Variants in SLC22A25 observed in about 807,000 individuals in gnomAD.
SLC22A25 encodes MGI:2442751, MGI:2385316, MGI:3042283, MGI:3645714, MGI:3605624, MGI:2442750.
SLC22A25 carries 44 observed loss-of-function variants against 45.9 expected under a neutral mutation model. The observed-to-expected ratio is 0.96, with a 90% CI of 0.75 to 1.23. SLC22A25 has a LOEUF of 1.23. Among genes scored for constraint, SLC22A25 ranks in the 50% most tolerant of loss-of-function variants. SLC22A25 has a pLI of 0.00. For synonymous variants in SLC22A25, 283 were observed against 238.6 expected, an observed-to-expected ratio of 1.19 and a Z score of -1.72; for missense variants, 800 against 666.4, an observed-to-expected ratio of 1.20 and a Z score of -2.21.
In SLC22A25 at chr11:63,160,744, G is replaced by C. The variant is rs1473660675; in HGVS notation, c.*3080C>G. Among the ~76,000 whole-genome samples the C allele has an allele frequency of 6.6e-6, 1 of 152,146 alleles. No homozygotes were observed. Among genetic ancestry groups the C allele is most frequent in the Non-Finnish European group, 1.5e-5 (1 of 68,038 alleles). ...CACAAAAGCAGCCAGGAGGGAGGCT[G>C]TACCCTGCAAAGCCACAGAAGCAGA... is the stretch of plus-strand genomic sequence containing the variant. On this transcript the variant is annotated 3_prime_UTR_variant, in exon 12 of 12. Coordinates refer to ENST00000306494, the MANE Select transcript of SLC22A25 (RefSeq NM_199352.6).
chr11:63,174,803 C>A (rs1161287924), intron 9 of SLC22A25, among the ~76,000 whole-genome samples: 9 of 152,058 alleles, frequency 5.9e-5, no homozygotes, highest in Non-Finnish European at 8.8e-5. Flanking sequence ...TTTCCCTCTG[C>A]CCTCTGCCCC....
rs372247968 is a variant in SLC22A25 at position 63,182,739 on chromosome 11, T to A, written c.954+955A>T. On this transcript the variant is annotated intron_variant, in intron 8 of 11. Coordinates refer to ENST00000306494, the MANE Select transcript of SLC22A25 (RefSeq NM_199352.6). Reference sequence around the variant, plus strand: ...AGGCTTCTTATTTCAAATCTCCTTTTGAAGGAGCTGTGCTTCCTTCTGGGA... The same window carrying A: ...AGGCTTCTTATTTCAAATCTCCTTTAGAAGGAGCTGTGCTTCCTTCTGGGA... Among the ~76,000 whole-genome samples the A allele has an allele frequency of 3.2e-4, 49 of 152,226 alleles. 3 individuals carry two copies. Among genetic ancestry groups the A allele is most frequent in the East Asian group, 2.3e-3 (12 of 5,176 alleles).
chr11:63,168,667 T>C (rs997744722), intron 9 of SLC22A25, among the ~76,000 whole-genome samples: 1 of 151,952 alleles, frequency 6.6e-6, no homozygotes, highest in Non-Finnish European at 1.5e-5. Context: ...TGGGACTCTG[T>C]GAAAAGACCA....
At chr11:63,235,876 C>A (rs2090154171) in intron 3 of SLC22A25, among the ~76,000 whole-genome samples, 1 of 152,186 alleles carries the variant, frequency 6.6e-6, no homozygotes, top group Non-Finnish European at 1.5e-5. Context: ...AGACCCTCAG[C>A]TGCAGGTCTG....
intron 9 of SLC22A25, among the ~76,000 whole-genome samples, chr11:63,177,225 T>C (rs1397015875): frequency 6.6e-6 from 1 of 152,024 alleles, no homozygotes; most frequent in Non-Finnish European, 1.5e-5. Context: ...AAATTTTTAA[T>C]GTTTATGGAT....
intron 7 of SLC22A25, among the ~76,000 whole-genome samples, chr11:63,185,593 G>T (rs1391571658): frequency 6.7e-6 from 1 of 148,358 alleles, no homozygotes; most frequent in African/African-American, 2.5e-5. Context: ...TGCACATTGT[G>T]CAGGTTAGTT....
At chr11:63,167,270 G>GTT (rs35794428) in intron 9 of SLC22A25, 14 of 150,038 alleles carry the variant, frequency 9.3e-5, no homozygotes, top group Non-Finnish European at 1.9e-4. Context: ...AGCTGCAGGA[G>GTT]TTTTTTTTTT....
intron 2 of SLC22A25, 109 bp downstream of exon 2, chr11:63,238,608 A>C (rs1021391177): frequency 6.6e-6 from 1 of 150,406 alleles, no homozygotes; most frequent in African/African-American, 2.5e-5. Context: ...TTGCTGAAAG[A>C]ATGAAGAATA....
chr11:63,202,481 C>A (rs2089277310), intron 7 of SLC22A25, among the ~76,000 whole-genome samples: 1 of 152,176 alleles, frequency 6.6e-6, no homozygotes, highest in Non-Finnish European at 1.5e-5. Flanking sequence ...GGGTGTCCAA[C>A]ATTACTGAGG....
In SLC22A25 at chr11:63,217,319, G is replaced by C; in HGVS notation, c.825C>G (p.Phe275Leu). Reference sequence around the variant, plus strand: ...GAAGAATGCAAGCTCAATACCTTGAGAACAGAAAGAAGACAAAGCATGGTG... The same window carrying C: ...GAAGAATGCAAGCTCAATACCTTGACAACAGAAAGAAGACAAAGCATGGTG... ...MSAPCFVFFL[F>L]SRWLAESARW... Residue 275 changes from phenylalanine (F) to leucine (L), a missense_variant, in exon 7 of 12, where the codon TTC (phenylalanine) becomes TTG (leucine). Transcript: ENST00000306494. The C allele has an allele frequency of 1.2e-6, 2 of 1,613,394 alleles. No individual in the cohort carries two copies. Among genetic ancestry groups the C allele is most frequent in the African/African-American group, 2.7e-5 (2 of 75,046 alleles).
intron 7 of SLC22A25, among the ~76,000 whole-genome samples, chr11:63,209,895 G>C (rs1590871473): frequency 1.3e-5 from 2 of 152,182 alleles, no homozygotes; most frequent in South Asian, 4.1e-4. Context: ...AGCCCCAGAG[G>C]CCACCCCTAA....
intron 7 of SLC22A25, among the ~76,000 whole-genome samples, chr11:63,204,801 C>A (rs1268237891): frequency 6.6e-6 from 1 of 152,154 alleles, no homozygotes; most frequent in East Asian, 1.9e-4. Flanking sequence ...CAGCTCTGCA[C>A]CAAGCCAACC....
At chr11:63,193,935 C>T (rs1354018969) in intron 7 of SLC22A25, among the ~76,000 whole-genome samples, 1 of 152,082 alleles carries the variant, frequency 6.6e-6, no homozygotes, top group Non-Finnish European at 1.5e-5. Flanking sequence ...CGACAAATGG[C>T]TAACTAGAAT....
chr11:63,166,246 G>A lies in SLC22A25; in HGVS notation c.1083C>T (p.Thr361=), dbSNP rs774238783. The A allele has an allele frequency of 1.2e-6, 2 of 1,613,876 alleles. No homozygotes were observed. Among genetic ancestry groups the A allele is most frequent in the South Asian group, 2.2e-5 (2 of 91,058 alleles). ...CFLSFVRFAS[T]IPFWGLTLHL... is the part of the protein sequence containing the mutation. Reference sequence around the variant, plus strand: ...GCAAAGTAAGGCCCCAAAAAGGGATGGTACTTGCAAATCTGCAGGGAACAC... The same window carrying A: ...GCAAAGTAAGGCCCCAAAAAGGGATAGTACTTGCAAATCTGCAGGGAACAC... Residue 361 remains threonine, a synonymous_variant, in exon 10 of 12, where the codon ACC becomes ACT. Coordinates refer to ENST00000306494, the MANE Select transcript of SLC22A25 (RefSeq NM_199352.6).
chr11:63,218,200 C>T (rs1251689899), intron 5 of SLC22A25: 10 of 394,288 alleles, frequency 2.5e-5, no homozygotes, highest in Non-Finnish European at 4.5e-5. Flanking sequence ...TCTGCAGCAA[C>T]ATGGATGCAG....
intron 5 of SLC22A25, among the ~76,000 whole-genome samples, chr11:63,219,129 G>C (rs1227927050): frequency 6.6e-6 from 1 of 152,078 alleles, no homozygotes; most frequent in Non-Finnish European, 1.5e-5. Context: ...ACAACTTTAT[G>C]GCCTCAAAAA....
intron 7 of SLC22A25, among the ~76,000 whole-genome samples, chr11:63,187,020 C>T (rs1213871331): frequency 1.3e-5 from 2 of 152,032 alleles, no homozygotes; most frequent in Non-Finnish European, 2.9e-5. Flanking sequence ...ATTGACTTGG[C>T]AATGTGGGCT....
At position 63,166,910 on chromosome 11, in the gene SLC22A25, C is replaced by T. The variant is rs373039452; in HGVS notation, c.1071-652G>A. 3.1e-6 allele frequency: 3 copies of T among 963,658 alleles called. No individual in the cohort carries two copies. The African/African-American group carries it at 5.3e-5, about 17-fold the overall frequency. 59.7% of individuals were successfully genotyped at this position (963,658 alleles called of 1,614,324 possible). ...GCAAGATGGCCGAATAGGAAGAGCT[C>T]TGGTCTGCAGCTCCCAGCGAGAGCA... On this transcript the variant is annotated intron_variant, in intron 9 of 11. Transcript: ENST00000306494.
chr11:63,174,504 C>G (rs1367565514), intron 9 of SLC22A25, among the ~76,000 whole-genome samples: 1 of 152,084 alleles, frequency 6.6e-6, no homozygotes, highest in Non-Finnish European at 1.5e-5. Flanking sequence ...AGCTGTCCAC[C>G]AGGTAAAACA....
Sources: gnomAD v4.1 joint callset for allele counts (sites outside exome capture counted in the v4.1 genomes callset) on GRCh38, gnomAD v4.1.1 for gene constraint, MANE v1.5 for transcripts, NCBI Gene and HGNC (gene_info 2026-07-23, HGNC 2026-07-21) for gene names.